NDUFAF6: variants seen among roughly 807,000 people sequenced by gnomAD.
NDUFAF6 encodes NADH:ubiquinone oxidoreductase complex assembly factor 6.
Under a neutral mutation model 40.8 loss-of-function variants are expected in NDUFAF6, and 45 were observed. That is an observed-to-expected ratio of 1.10 (90% CI 0.87 to 1.42). The LOEUF is 1.42. Among genes scored for constraint, NDUFAF6 ranks in the 40% most tolerant of loss-of-function variants. The pLI is 0.00. For missense variants in NDUFAF6, 435 were observed against 418.5 expected (o/e 1.04, Z -0.34); for synonymous variants, 185 against 155.9 (o/e 1.19, Z -1.39).
intron 1 of NDUFAF6, among the ~76,000 whole-genome samples, chr8:94,972,757 A>C (rs566988052): frequency 1.7e-4 from 24 of 143,144 alleles, no homozygotes; most frequent in African/African-American, 5.3e-4. Flanking sequence ...AAGATCATCC[A>C]GGCATGGTGG....
intron 9 of NDUFAF6, among the ~76,000 whole-genome samples, chr8:95,071,267 G>A (rs1469572742): frequency 1.3e-5 from 2 of 151,588 alleles, no homozygotes; most frequent in East Asian, 1.9e-4. Flanking sequence ...GCATTGTGGC[G>A]GGCGCCTGTA....
chr8:95,114,427 C>T (rs1424487391), intron 4 of NDUFAF6, among the ~76,000 whole-genome samples: 6 of 152,206 alleles, frequency 3.9e-5, no homozygotes, highest in African/African-American at 1.2e-4. Flanking sequence ...GTGATTTCCC[C>T]GCTTATACCA....
chr8:94,911,179 C>G (rs942501007), intron 1 of NDUFAF6, among the ~76,000 whole-genome samples: 1 of 152,116 alleles, frequency 6.6e-6, no homozygotes, highest in Admixed American at 6.5e-5. Context: ...ACTTTTACAG[C>G]AAGCATGTAT....
At position 95,057,268 on chromosome 8, in the gene NDUFAF6, G is replaced by A. The variant is rs192587447; in HGVS notation, c.874-541G>A. ...CATCGTTGGTGTTTTCTATCCTGCT[G>A]CTATCCTTGTAAAAACTTTGTCAAG... On this transcript the variant is annotated intron_variant, in intron 8 of 8. Coordinates refer to ENST00000396124, the MANE Select transcript of NDUFAF6 (RefSeq NM_152416.4). 2.5e-3 allele frequency among the ~76,000 whole-genome samples: 381 copies of A among 152,350 alleles called. 4 individuals carry two copies. The highest frequency in any genetic ancestry group is 8.7e-3 in the African/African-American group (363 of 41,574).
chr8:95,026,050 A>G (rs1307027622), intron 1 of NDUFAF6, among the ~76,000 whole-genome samples: 1 of 152,176 alleles, frequency 6.6e-6, no homozygotes, highest in African/African-American at 2.4e-5. Context: ...AAGTACTTGA[A>G]TGACTAAACT....
At chr8:94,971,195 A>T (rs60003497) in intron 1 of NDUFAF6, among the ~76,000 whole-genome samples, 19,930 of 152,266 alleles carry the variant, frequency 0.13, 1,637 homozygotes, top group Middle Eastern at 0.23. Flanking sequence ...AGCTGGGCCT[A>T]CAGTGATGCT....
chr8:95,025,322 C>T, intron 1 of NDUFAF6, 117 bp downstream of exon 1: 1 of 1,082,504 alleles, frequency 9.2e-7, no homozygotes, highest in Non-Finnish European at 1.2e-6. Flanking sequence ...CCTCGTGCCC[C>T]TCTGGGTGTG....
chr8:94,968,211 A>G (rs966172362), intron 1 of NDUFAF6, among the ~76,000 whole-genome samples: 1 of 152,200 alleles, frequency 6.6e-6, no homozygotes. Context: ...TTTATTTTGA[A>G]TTACTGCCAA....
At chr8:94,917,901 G>T (rs181064109) in intron 1 of NDUFAF6, among the ~76,000 whole-genome samples, 7 of 152,128 alleles carry the variant, frequency 4.6e-5, no homozygotes, top group Non-Finnish European at 8.8e-5. Context: ...TGCTTCTTAC[G>T]TGCAAGAATA....
chr8:94,988,468 A>G (rs1037691338), intron 2 of NDUFAF6: 2 of 152,242 alleles, frequency 1.3e-5, no homozygotes, highest in Non-Finnish European at 2.9e-5. Context: ...TATGTCTTAC[A>G]AAGAACCATT....
intron 9 of NDUFAF6, chr8:95,067,688 G>A (rs1472180530): frequency 6.6e-6 from 1 of 151,932 alleles, no homozygotes; most frequent in East Asian, 1.9e-4. Flanking sequence ...ACACCATAGG[G>A]AGGTGGCTTC....
intron 1 of NDUFAF6, chr8:94,930,363 A>G: frequency 1.4e-6 from 2 of 1,409,476 alleles, no homozygotes; most frequent in Non-Finnish European, 1.9e-6. Flanking sequence ...CACTGATAAA[A>G]CTATGTGATT....
intron 1 of NDUFAF6, among the ~76,000 whole-genome samples, chr8:94,933,983 AGGAGAATTGCTTGAACCCG>A (rs960429583): frequency 1.3e-5 from 2 of 151,928 alleles, no homozygotes; most frequent in African/African-American, 4.8e-5. Context: ...AGGCTGAGGC[AGGAGAATTGCTTGAACCCG>A]GGAGGCAGAG....
chr8:95,082,631 TTTTGTTTGTTTG>T (rs573428389), intron 2 of NDUFAF6, among the ~76,000 whole-genome samples: 1 of 135,284 alleles, frequency 7.4e-6, no homozygotes, highest in East Asian at 1.9e-4. Flanking sequence ...TTAGCATTCT[TTTTGTTTGTTTG>T]TTTGTTTGTT....
At chr8:94,969,606 A>C (rs1824293181) in intron 1 of NDUFAF6, among the ~76,000 whole-genome samples, 2 of 152,136 alleles carry the variant, frequency 1.3e-5, no homozygotes. Context: ...ATACCACTGC[A>C]CTCCAGCCTG....
downstream of NDUFAF6, among the ~76,000 whole-genome samples, chr8:95,077,200 T>A (rs1335621262): frequency 6.6e-6 from 1 of 152,196 alleles, no homozygotes; most frequent in Non-Finnish European, 1.5e-5. Flanking sequence ...CTGTTTAGAC[T>A]ACCCAGCCTG....
chr8:94,930,646 G>A (rs1346745814), intron 1 of NDUFAF6: 1 of 1,614,186 alleles, frequency 6.2e-7, no homozygotes, highest in Non-Finnish European at 8.5e-7. Flanking sequence ...AAGCTCTTGG[G>A]TTGTTCCAGA....
chr8:94,904,311 T>A (rs1818232693), intron 1 of NDUFAF6, among the ~76,000 whole-genome samples: 1 of 126,424 alleles, frequency 7.9e-6, no homozygotes, highest in African/African-American at 2.9e-5. Flanking sequence ...ACCTGGCTAA[T>A]TTTTTTTGCT....
chr8:95,067,927 C>G (rs563320028), intron 9 of NDUFAF6: 1 of 151,872 alleles, frequency 6.6e-6, no homozygotes, highest in Non-Finnish European at 1.5e-5. Context: ...AGGCGAGGCC[C>G]CTTGTGATAG....
Sources: allele counts gnomAD v4.1 joint callset (sites outside exome capture counted in the v4.1 genomes callset), GRCh38; gene constraint gnomAD v4.1.1; transcripts MANE v1.5; gene names NCBI Gene and HGNC (gene_info 2026-07-23, HGNC 2026-07-21).